The following SH3TC1 variants were observed in gnomAD, a reference collection of about 807,000 sequenced individuals.
SH3TC1 encodes SH3 domain and tetratricopeptide repeat-containing protein 1.
Under a neutral mutation model 117.3 loss-of-function variants are expected in SH3TC1, and 135 were observed. The ratio of observed to expected loss-of-function variants is 1.15; its 90% CI spans 1.00 to 1.33. The LOEUF is 1.33. SH3TC1 is among the 40% of genes most tolerant of loss of function. The pLI is 0.00. For missense variants in SH3TC1, 2,092 were observed against 1,794.3 expected (o/e 1.17, Z -3.00); for synonymous variants, 898 against 816.9 (o/e 1.10, Z -1.69).
chr4:8,184,437 T>C (rs1445044063), intron 1 of SH3TC1, among the ~76,000 whole-genome samples: 2 of 149,912 alleles, frequency 1.3e-5, no homozygotes, highest in Non-Finnish European at 3.0e-5. Flanking sequence ...TGGAGTGCAG[T>C]GGTGTGAGCA....
At chr4:8,215,138 T>C (rs142557029) in intron 5 of SH3TC1, 3 of 456,198 alleles carry the variant, frequency 6.6e-6, no homozygotes, top group African/African-American at 6.0e-5. Context: ...CTAGTTGCCT[T>C]CACACTCTGC....
chr4:8,209,946 A>C lies in SH3TC1; in HGVS notation c.247+124A>C. ...GCCTCAGACTTCCCACCTTAAAATCATGATGGGAATAGAAAGAAGGGTTTG... is the reference window on the plus strand; with the variant it reads ...GCCTCAGACTTCCCACCTTAAAATCCTGATGGGAATAGAAAGAAGGGTTTG... On this transcript the variant is annotated intron_variant, in intron 3 of 17. Transcript: ENST00000245105. The surrounding 1 kb of genome is among the most constrained non-coding windows in gnomAD (Gnocchi z 5.9). 1.0e-6 allele frequency: 1 copy of C among 962,176 alleles called. No homozygotes were observed. The highest frequency in any genetic ancestry group is 1.5e-6 in the Non-Finnish European group (1 of 647,362). 59.6% of individuals were successfully genotyped at this position (962,176 alleles called of 1,614,324 possible). A position where few individuals can be genotyped will look rare whatever the true frequency, so the allele number is the denominator to read the frequency against.
intron 3 of SH3TC1, among the ~76,000 whole-genome samples, chr4:8,211,972 G>A (rs1282059176): frequency 6.6e-6 from 1 of 152,094 alleles, no homozygotes; most frequent in African/African-American, 2.4e-5. Flanking sequence ...CAGGAGGGAG[G>A]GCCAGGTGTG....
chr4:8,233,398 G>A lies in SH3TC1; in HGVS notation c.3167G>A (p.Ser1056Asn), dbSNP rs1227561693. ...TCCGCACTGGACTACACCAAACGAA[G>A]TCTGGGGATTTTCATTGACCTCCAG... ...YKSALDYTKRSLGIFIDLQKK... is the reference protein window; with the variant it reads ...YKSALDYTKRNLGIFIDLQKK... The change falls in exon 14 of 18, where the codon AGT (serine) becomes AAT (asparagine). Residue 1056 changes from serine to asparagine, a missense_variant. Ser to Asn is a conservative substitution (Grantham distance 46). Transcript: ENST00000245105. The A allele has an allele frequency of 1.2e-6, 2 of 1,613,688 alleles. No individual in the cohort carries two copies. The highest frequency in any genetic ancestry group is 1.7e-6 in the Non-Finnish European group (2 of 1,179,856).
intron 1 of SH3TC1, among the ~76,000 whole-genome samples, chr4:8,204,596 T>A (rs376331757): frequency 9.9e-5 from 15 of 152,224 alleles, no homozygotes; most frequent in African/African-American, 3.6e-4. Context: ...CATCCTCCTC[T>A]CTTATTAGCG....
chr4:8,208,888 G>A (rs1718421909), intron 2 of SH3TC1, among the ~76,000 whole-genome samples: 1 of 152,248 alleles, frequency 6.6e-6, no homozygotes, highest in Admixed American at 6.5e-5. Context: ...GTGAAGACCG[G>A]CCACACAGAA....
chr4:8,237,553 GC>G lies in SH3TC1; in HGVS notation c.3637del (p.His1213ThrfsTer24), dbSNP rs768758321. On this transcript the variant is annotated frameshift_variant, in exon 17 of 18. Coordinates refer to ENST00000245105, the MANE Select transcript of SH3TC1 (RefSeq NM_018986.5). LOFTEE classifies it high-confidence loss of function. ...GACTGGGCCATGGCGAGCTGGCAGA[GC>G]ACTTCTACCTCAAGGCCCTGTCGCT... The part of the protein sequence containing the change: ...HRLGHGELAE[H>X]FYLKALSLCN... The G allele has an allele frequency of 1.2e-6, 2 of 1,611,474 alleles. No homozygotes were observed. Among genetic ancestry groups the G allele is most frequent in the Admixed American group, 3.3e-5 (2 of 59,824 alleles).
At chr4:8,230,382 CACCTCG>C (rs1218645903) in intron 12 of SH3TC1, among the ~76,000 whole-genome samples, 2 of 152,116 alleles carry the variant, frequency 1.3e-5, no homozygotes, top group Non-Finnish European at 2.9e-5. Context: ...GCGATCCTCC[CACCTCG>C]GCCTCACAAA....
intron 12 of SH3TC1, among the ~76,000 whole-genome samples, chr4:8,230,721 G>C (rs1352408396): frequency 2.7e-5 from 4 of 150,600 alleles, no homozygotes; most frequent in African/African-American, 9.8e-5. Flanking sequence ...TAGACATTTA[G>C]AGTTACACAT....
In SH3TC1 at chr4:8,227,957, GC is replaced by G. The variant is rs528908265; in HGVS notation, c.2269del (p.Gln757SerfsTer20). 579 of 1,612,250 alleles carry G rather than the reference GC, an allele frequency of 3.6e-4. 2 individuals carry two copies. In the African/African-American group the frequency reaches 7.2e-3, roughly 20 times the overall value. On this transcript the variant is annotated frameshift_variant, in exon 12 of 18. Coordinates refer to ENST00000245105, the MANE Select transcript of SH3TC1 (RefSeq NM_018986.5). LOFTEE classifies it high-confidence loss of function. ...GAGTGTGAACCTGGTGCTCCAGAAC[GC>G]CCCCCAGCCCCACAGCCTCCCTGCC... is the stretch of plus-strand genomic sequence containing the variant. ...LRSVNLVLQN[A>X]PQPHSLPAQT...
Position 8,205,483 on chromosome 4 carries a change from C to A in SH3TC1, c.172+117C>A. The A allele has an allele frequency of 1.8e-6, 2 of 1,126,040 alleles. No individual in the cohort carries two copies. The highest frequency in any genetic ancestry group is 2.5e-6 in the Non-Finnish European group (2 of 800,846). The allele number at this position is 1,126,040 out of a possible 1,614,324, so 69.8% of individuals were successfully genotyped here. A position where few individuals can be genotyped will look rare whatever the true frequency, so the allele number is the denominator to read the frequency against. On this transcript the variant is annotated intron_variant, in intron 2 of 17. Transcript: ENST00000245105. This position sits in a 1 kb window ranked among gnomAD's most constrained non-coding sequence, Gnocchi z 5.4. Reference sequence around the variant, plus strand: ...GCCTCCAGGCCTCTTGGGGCTGGGGCTGGAGTCTGCTCTCCATCACTTCTC... The same window carrying A: ...GCCTCCAGGCCTCTTGGGGCTGGGGATGGAGTCTGCTCTCCATCACTTCTC...
rs1415531300 is a variant in SH3TC1 at position 8,232,123 on chromosome 4, T to C, written c.3098T>C (p.Ile1033Thr). The change falls in exon 13 of 18, where the codon ATC (isoleucine) becomes ACC (threonine). Residue 1033 changes from isoleucine (I) to threonine (T), a missense_variant. Coordinates refer to ENST00000245105, the MANE Select transcript of SH3TC1 (RefSeq NM_018986.5). ...KVLEGQLLET[I>T]SQLYLSLGTE... ...CTGGAGGGGCAGCTCCTGGAGACCA[T>C]CAGCCAGCTCTACCTGTCCCTGGGC... The C allele has an allele frequency of 7.1e-7, 1 of 1,412,652 alleles. No homozygotes were observed. Among genetic ancestry groups the C allele is most frequent in the East Asian group, 3.8e-5 (1 of 26,038 alleles). 87.5% of individuals were successfully genotyped at this position (1,412,652 alleles called of 1,614,324 possible). A position where few individuals can be genotyped will look rare whatever the true frequency, so the allele number is the denominator to read the frequency against.
At chr4:8,197,464 C>T (rs961672860), upstream of SH3TC1, among the ~76,000 whole-genome samples, 4 of 152,228 alleles carry the variant, frequency 2.6e-5, no homozygotes, top group Non-Finnish European at 5.9e-5. Context: ...GCTGGGGAGC[C>T]GTGTCCCCGC....
Position 8,240,979 on chromosome 4 carries a change from T to A in SH3TC1, c.*24T>A. 1 of 1,602,138 alleles carries A rather than the reference T, an allele frequency of 6.2e-7. No homozygotes were observed. The highest frequency in any genetic ancestry group is 8.5e-7 in the Non-Finnish European group (1 of 1,177,324). ...GAGGACAGCATCCAAGGGAGTGGGTTTTGTGCAAGGGCTGGGGGTCTCCTG... is the reference window on the plus strand; with the variant it reads ...GAGGACAGCATCCAAGGGAGTGGGTATTGTGCAAGGGCTGGGGGTCTCCTG... On this transcript the variant is annotated 3_prime_UTR_variant, in exon 18 of 18. Coordinates refer to ENST00000245105, the MANE Select transcript of SH3TC1 (RefSeq NM_018986.5).
chr4:8,208,284 G>T (rs1169565160), intron 2 of SH3TC1, among the ~76,000 whole-genome samples: 3 of 152,126 alleles, frequency 2.0e-5, no homozygotes, highest in Non-Finnish European at 2.9e-5. Flanking sequence ...TGCGGGGTGT[G>T]TTTCGGTTAC....
chr4:8,239,542 GCA>G (rs201957319), intron 17 of SH3TC1, among the ~76,000 whole-genome samples: 2,808 of 141,084 alleles, frequency 0.02, 79 homozygotes, highest in African/African-American at 0.071. Flanking sequence ...ACACAGACAT[GCA>G]CACACACAGG....
chr4:8,182,524 C>T (rs551206162), intron 1 of SH3TC1, among the ~76,000 whole-genome samples: 7 of 152,260 alleles, frequency 4.6e-5, no homozygotes, highest in African/African-American at 1.7e-4. Flanking sequence ...CCCAGGATCC[C>T]GACGACTGGG....
rs1722270933 is a variant in SH3TC1 at position 8,240,848 on chromosome 4, C to T, written c.3904C>T (p.Gln1302Ter). 6.2e-7 allele frequency: 1 copy of T among 1,613,984 alleles called. No individual in the cohort carries two copies. Among genetic ancestry groups the T allele is most frequent in the Non-Finnish European group, 8.5e-7 (1 of 1,180,042 alleles). ...CCGTGAGAAGTCGCTCTTCTTCTAC[C>T]AGAAGGCCAGGACCTTCGCCACAGA... The part of the protein sequence containing the change: ...LDREKSLFFY[Q>*]KARTFATELN... Residue 1302 changes from glutamine to a stop codon, truncating the protein, a stop_gained, in exon 18 of 18, where the codon CAG becomes TAG. Coordinates refer to ENST00000245105, the MANE Select transcript of SH3TC1 (RefSeq NM_018986.5). LOFTEE classifies it low-confidence loss of function (END_TRUNC).
Position 8,225,430 on chromosome 4 carries a change from A to G in SH3TC1, c.1285+214A>G, listed in dbSNP as rs1190170429. Reference sequence around the variant, plus strand: ...GCCGTGGGGTCCCGCACTTCTTCCAATGAACATGCTGGCCCCCGCCTGGTC... The same window carrying G: ...GCCGTGGGGTCCCGCACTTCTTCCAGTGAACATGCTGGCCCCCGCCTGGTC... On this transcript the variant is annotated intron_variant, in intron 11 of 17. Transcript: ENST00000245105. The surrounding 1 kb of genome is among the most constrained non-coding windows in gnomAD (Gnocchi z 5.5). Among the ~76,000 whole-genome samples the G allele has an allele frequency of 6.6e-6, 1 of 152,032 alleles. No homozygotes were observed. The highest frequency in any genetic ancestry group is 2.4e-5 in the African/African-American group (1 of 41,382).
Sources: gnomAD v4.1 joint callset for allele counts (sites outside exome capture counted in the v4.1 genomes callset) on GRCh38, gnomAD v4.1.1 for gene constraint, Gnocchi (gnomAD v3.1) non-coding constraint, MANE v1.5 for transcripts, NCBI Gene and HGNC (gene_info 2026-07-23, HGNC 2026-07-21) for gene names.